The following SSH1 variants were observed in gnomAD, a reference collection of about 807,000 sequenced individuals.
SSH1 encodes the protein protein phosphatase Slingshot homolog 1.
SSH1 carries 43 observed loss-of-function variants against 79.7 expected under a neutral mutation model. The ratio of observed to expected loss-of-function variants is 0.54; its 90% CI spans 0.42 to 0.70. The LOEUF (loss-of-function observed/expected upper bound fraction) is 0.70. Among genes scored for constraint, SSH1 ranks in the 30% least tolerant of loss-of-function variants. The pLI is 0.00. For missense variants in SSH1, 1,206 were observed against 1,358.8 expected (o/e 0.89, Z 1.77); for synonymous variants, 599 against 538.3 (o/e 1.11, Z -1.56).
At chr12:108,829,442 A>C (rs1178067329) in intron 2 of SSH1, among the ~76,000 whole-genome samples, 1 of 152,144 alleles carries the variant, frequency 6.6e-6, no homozygotes, top group African/African-American at 2.4e-5. Flanking sequence ...TAACCCCTAG[A>C]ATTCCTTACA....
At chr12:108,811,666 C>CGGCCT (rs1488717691) in intron 5 of SSH1, 8 of 399,564 alleles carry the variant, frequency 2.0e-5, no homozygotes, top group Non-Finnish European at 3.3e-5. Flanking sequence ...CAGCCAAGCC[C>CGGCCT]GGCCTGGCCT....
intron 5 of SSH1, among the ~76,000 whole-genome samples, chr12:108,814,208 A>T (rs897345571): frequency 6.6e-6 from 1 of 152,180 alleles, no homozygotes; most frequent in Admixed American, 6.5e-5. Context: ...TGGGTGATAG[A>T]GTGAGACCCC....
At chr12:108,828,054 C>T (rs758519997) in intron 2 of SSH1, among the ~76,000 whole-genome samples, 18 of 152,070 alleles carry the variant, frequency 1.2e-4, no homozygotes, top group Non-Finnish European at 2.4e-4. Flanking sequence ...GTGTTTTTAG[C>T]GTTTCTTTCA....
chr12:108,821,414 T>TA lies in SSH1; in HGVS notation c.214+1843dup, dbSNP rs879429154. Among the ~76,000 whole-genome samples the TA allele has an allele frequency of 9.6e-4, 135 of 140,804 alleles. 1 individual carries two copies. The highest frequency in any genetic ancestry group is 7.4e-3 in the Middle Eastern group (2 of 270). The allele number at this position is 140,804 out of a possible 152,430, so 92.4% of individuals were successfully genotyped here. A position where few individuals can be genotyped will look rare whatever the true frequency, so the allele number is the denominator to read the frequency against. The stretch of plus-strand genomic sequence containing the variant: ...TCTCTAAAAAAACTTTTCATATAAT[T>TA]AAAAAAAAAAAAAGAATGAAGGGTC... On this transcript the variant is annotated intron_variant, in intron 3 of 14. Coordinates refer to ENST00000326495, the MANE Select transcript of SSH1 (RefSeq NM_018984.4).
chr12:108,822,846 G>A (rs2038174149), intron 3 of SSH1, among the ~76,000 whole-genome samples: 1 of 152,190 alleles, frequency 6.6e-6, no homozygotes, highest in East Asian at 1.9e-4. Flanking sequence ...CCAAATGAGT[G>A]TTTTTCAAAT....
At chr12:108,825,592 C>T (rs2038280767) in intron 2 of SSH1, among the ~76,000 whole-genome samples, 2 of 152,278 alleles carry the variant, frequency 1.3e-5, no homozygotes, top group Middle Eastern at 3.4e-3. Flanking sequence ...AATTGGTTTT[C>T]GATATCTTGT....
chr12:108,852,238 CTTT>C (rs372321306), intron 2 of SSH1, among the ~76,000 whole-genome samples: 2 of 137,030 alleles, frequency 1.5e-5, no homozygotes, highest in Non-Finnish European at 1.6e-5. Flanking sequence ...TTGGCATATT[CTTT>C]TTTTTTTTTT....
chr12:108,853,442 T>C, intron 1 of SSH1: 1 of 721,056 alleles, frequency 1.4e-6, no homozygotes, highest in South Asian at 6.3e-5. Flanking sequence ...TTTTTTATGT[T>C]GCACAGAGGC....
At chr12:108,815,418 T>C (rs4964760) in intron 5 of SSH1, among the ~76,000 whole-genome samples, 49,163 of 152,096 alleles carry the variant, frequency 0.32, 8,171 homozygotes, top group South Asian at 0.44. Context: ...GCACAGGCCA[T>C]GGGAGGCCGA....
intron 11 of SSH1, among the ~76,000 whole-genome samples, chr12:108,801,697 T>A (rs969833590): frequency 2.0e-5 from 3 of 150,708 alleles, no homozygotes; most frequent in African/African-American, 7.4e-5. Context: ...TGTCATCATG[T>A]CAGGCCCACA....
chr12:108,804,001 T>C (rs1007566726), intron 10 of SSH1, among the ~76,000 whole-genome samples: 5 of 152,244 alleles, frequency 3.3e-5, no homozygotes, highest in African/African-American at 9.6e-5. Flanking sequence ...CAGGAAGCAC[T>C]TTCTCCTCTA....
At position 108,789,062 on chromosome 12, in the gene SSH1, G is replaced by A. The variant is rs896559633; in HGVS notation, c.2076C>T (p.Ala692=). Residue 692 remains alanine, a synonymous_variant, in exon 15 of 15, where the codon GCC becomes GCT. Transcript: ENST00000326495. ...GAACACGGGACCTGCTGGCCAAGTG[G>A]GCCACAGGGGAGGACGTGATGTGGG... ...FLPHITSSPV[A]HLASRSRVPE... 9 of 1,611,162 alleles carry A rather than the reference G, an allele frequency of 5.6e-6. No individual in the cohort carries two copies. The highest frequency in any genetic ancestry group is 4.0e-5 in the African/African-American group (3 of 74,800).
Position 108,838,613 on chromosome 12 carries a change from G to GT in SSH1, c.110+14024dup, listed in dbSNP as rs775021670. 1.1e-4 allele frequency among the ~76,000 whole-genome samples: 17 copies of GT among 152,316 alleles called. No individual in the cohort carries two copies. The South Asian group carries it at 2.3e-3, about 20-fold the overall frequency. On this transcript the variant is annotated intron_variant, in intron 2 of 14. Transcript: ENST00000326495. Reference sequence around the variant, plus strand: ...GGGCGGCCAGCAGCTCTGGCACCAAGTGCTGCTGCTGACCTCACCTCTTAA... The same window carrying GT: ...GGGCGGCCAGCAGCTCTGGCACCAAGTTGCTGCTGCTGACCTCACCTCTTAA...
intron 2 of SSH1, among the ~76,000 whole-genome samples, chr12:108,848,712 G>A (rs546597419): frequency 1.8e-4 from 27 of 152,344 alleles, no homozygotes; most frequent in Admixed American, 4.6e-4. Context: ...TGAGTGTGAC[G>A]TCAAGGTGGC....
Position 108,857,486 on chromosome 12 carries a change from A to G in SSH1, c.11T>C (p.Val4Ala). MAL[V>A]TLQRSPTPSA... ...GGGCGTGGGCGAGCGCTGCAGGGTC[A>G]CCAGGGCCATGGCTGCGGCGCGGTG... The change falls in exon 1 of 15, where the codon GTG becomes GCG. Residue 4 changes from valine to alanine, a missense_variant. Physicochemically the swap from Val to Ala is moderately conservative, Grantham distance 64 (BLOSUM62 0). Around this residue, in one of 5 missense-constraint regions of SSH1, gnomAD observed 100 missense variants for 82.3 expected, o/e 1.21. Transcript: ENST00000326495. This position sits in a 1 kb window ranked among gnomAD's most constrained non-coding sequence, Gnocchi z 4.7. The G allele has an allele frequency of 8.8e-7, 1 of 1,139,066 alleles. No individual in the cohort carries two copies. Among genetic ancestry groups the G allele is most frequent in the Non-Finnish European group, 1.1e-6 (1 of 908,834 alleles). 70.6% of individuals were successfully genotyped at this position (1,139,066 alleles called of 1,614,324 possible).
At chr12:108,842,277 C>A (rs552335314) in intron 2 of SSH1, among the ~76,000 whole-genome samples, 1 of 152,270 alleles carries the variant, frequency 6.6e-6, no homozygotes, top group South Asian at 2.1e-4. Context: ...TTTAAATATG[C>A]CCCAATGTTT....
chr12:108,828,238 G>T (rs796938143), intron 2 of SSH1, among the ~76,000 whole-genome samples: 3 of 152,150 alleles, frequency 2.0e-5, no homozygotes, highest in African/African-American at 7.2e-5. Context: ...CTCTTCCCTC[G>T]GCTCACAAGT....
rs1483769947 is a variant in SSH1, at chr12:108,787,730, A to C, written c.*258T>G. 1.9e-6 allele frequency: 1 copy of C among 539,404 alleles called. No individual in the cohort carries two copies. Among genetic ancestry groups the C allele is most frequent in the Non-Finnish European group, 3.3e-6 (1 of 300,172 alleles). 33.4% of individuals were successfully genotyped at this position (539,404 alleles called of 1,614,324 possible). On this transcript the variant is annotated 3_prime_UTR_variant, in exon 15 of 15. Coordinates refer to ENST00000326495, the MANE Select transcript of SSH1 (RefSeq NM_018984.4). ...CTAAAACATGGTTCTTCTTGAAGAC[A>C]CGGTGGGAGCGGAGTTTTGTGTCTC...
rs756356575 is a variant in SSH1, at chr12:108,798,989, C to G, written c.1349+11G>C. The G allele has an allele frequency of 6.2e-7, 1 of 1,611,622 alleles. No homozygotes were observed. On this transcript the variant is annotated intron_variant, in intron 13 of 14. Transcript: ENST00000326495. ...CCGCCTGCCAACCCTTCTCTCCAGGCAGGCACCCACCTTGCATCCAAGATG... is the reference window on the plus strand; with the variant it reads ...CCGCCTGCCAACCCTTCTCTCCAGGGAGGCACCCACCTTGCATCCAAGATG...
Sources: gnomAD v4.1 joint callset for allele counts (sites outside exome capture counted in the v4.1 genomes callset) on GRCh38, gnomAD v4.1.1 for gene constraint, gnomAD v4.1.1 regional missense constraint, Gnocchi (gnomAD v3.1) non-coding constraint, MANE v1.5 for transcripts, NCBI Gene and HGNC (gene_info 2026-07-23, HGNC 2026-07-21) for gene names.